Variants in PUS10 observed in about 807,000 individuals in gnomAD.
PUS10 encodes the protein tRNA pseudouridine synthase Pus10.
In PUS10, 59 loss-of-function variants were observed where a neutral mutation model predicts 75.0. The observed-to-expected ratio is 0.79, with a 90% CI of 0.64 to 0.98. The LOEUF is 0.98. Ranked by LOEUF, PUS10 falls within the 50% of genes least tolerant of loss-of-function variation. The pLI is 0.00. For synonymous variants in PUS10, 219 were observed against 211.6 expected, an observed-to-expected ratio of 1.03 and a Z score of -0.30; for missense variants, 650 against 614.4, an observed-to-expected ratio of 1.06 and a Z score of -0.61.
At chr2:61,010,954 T>G (rs1679559481) in intron 2 of PUS10, 2 of 1,503,482 alleles carry the variant, frequency 1.3e-6, no homozygotes, top group African/African-American at 1.4e-5. Flanking sequence ...ATATAAGACC[T>G]TGACATATAG....
intron 2 of PUS10, chr2:61,010,949 A>C (rs980830283): frequency 2.6e-6 from 4 of 1,511,956 alleles, no homozygotes; most frequent in Non-Finnish European, 3.6e-6. Context: ...GAATTATATA[A>C]GACCTTGACA....
intron 11 of PUS10, among the ~76,000 whole-genome samples, chr2:60,957,713 C>T (rs1675768824): frequency 6.6e-6 from 1 of 152,222 alleles, no homozygotes; most frequent in Admixed American, 6.5e-5. Context: ...CTGTTGCTCT[C>T]TGTATTGTTG....
In PUS10 at chr2:60,961,511, A is replaced by G. The variant is rs756640293; in HGVS notation, c.826T>C (p.Cys276Arg). The G allele has an allele frequency of 1.2e-5, 19 of 1,614,098 alleles. No individual in the cohort carries two copies. The Admixed American group carries it at 3.2e-4, about 27-fold the overall frequency. The change falls in exon 10 of 18, where the codon TGC becomes CGC. Residue 276 changes from cysteine to arginine, a missense_variant. Cys to Arg is a radical substitution (Grantham distance 180). Coordinates refer to ENST00000316752, the MANE Select transcript of PUS10 (RefSeq NM_144709.4). ...GCACATTCAATTTCAAGAACAGCGC[A>G]TACAGCCTTTGGTGAGTTTGGAGGA... ...PCPPNSPKAV[C>R]AVLEIECAHG...
At chr2:61,016,296 T>C (rs1236824841) in intron 1 of PUS10, among the ~76,000 whole-genome samples, 2 of 152,224 alleles carry the variant, frequency 1.3e-5, no homozygotes, top group Non-Finnish European at 2.9e-5. Flanking sequence ...AAACGAGCTA[T>C]GAATTTACAA....
rs756851168 is a variant in PUS10 at position 61,010,917 on chromosome 2, C to T, written c.126+848G>A. On this transcript the variant is annotated intron_variant, in intron 2 of 17. Coordinates refer to ENST00000316752, the MANE Select transcript of PUS10 (RefSeq NM_144709.4). ...AAAATAGAGACAATCATAGTATGTA[C>T]TTACCTAATCAGTTATTATGAGAAT... The T allele has an allele frequency of 3.3e-4, 516 of 1,544,758 alleles. 1 individual carries two copies. The highest frequency in any genetic ancestry group is 2.2e-3 in the Middle Eastern group (12 of 5,382).
chr2:60,982,273 A>G (rs750526942), intron 4 of PUS10, among the ~76,000 whole-genome samples: 6 of 151,536 alleles, frequency 4.0e-5, no homozygotes, highest in Admixed American at 2.6e-4. Context: ...TTATTTATTT[A>G]TTTTTTGGAG....
chr2:61,010,477 C>T (rs1679527262), intron 2 of PUS10: 1 of 217,458 alleles, frequency 4.6e-6, no homozygotes, highest in Middle Eastern at 1.9e-3. Flanking sequence ...CAGGCACCTG[C>T]CATGGCGCCC....
chr2:60,967,249 CT>C (rs1016891681), intron 6 of PUS10: 2 of 319,254 alleles, frequency 6.3e-6, no homozygotes, highest in African/African-American at 2.3e-5. Context: ...CATTTCTAAC[CT>C]TTTAAGGTCA....
At chr2:60,966,558 T>C (rs1029401681) in intron 6 of PUS10, 2 of 152,300 alleles carry the variant, frequency 1.3e-5, no homozygotes, top group African/African-American at 4.8e-5. Flanking sequence ...TTCTCACTGA[T>C]ACAACATGTA....
chr2:60,975,169 CG>C (rs1558925179), intron 4 of PUS10, among the ~76,000 whole-genome samples: 1 of 152,092 alleles, frequency 6.6e-6, no homozygotes, highest in Non-Finnish European at 1.5e-5. Flanking sequence ...TTGTTTGAGA[CG>C]GAGCCTCACT....
intron 4 of PUS10, among the ~76,000 whole-genome samples, chr2:60,997,281 A>G (rs915149511): frequency 1.6e-4 from 25 of 152,318 alleles, no homozygotes; most frequent in African/African-American, 5.8e-4. Context: ...GGTAGTCCCT[A>G]AAAGAACTAA....
intron 4 of PUS10, among the ~76,000 whole-genome samples, chr2:60,983,844 C>A (rs546328518): frequency 1.3e-5 from 2 of 151,138 alleles, no homozygotes; most frequent in South Asian, 2.1e-4. Context: ...AACTGCATAC[C>A]TAGATAATAA....
chr2:60,974,139 C>G (rs1008868301), intron 4 of PUS10, among the ~76,000 whole-genome samples: 2 of 152,052 alleles, frequency 1.3e-5, no homozygotes, highest in Non-Finnish European at 2.9e-5. Flanking sequence ...ATCGGGACAC[C>G]CTGGCTATGC....
intron 5 of PUS10, among the ~76,000 whole-genome samples, chr2:60,970,541 C>G (rs1213376992): frequency 1.3e-5 from 2 of 151,880 alleles, no homozygotes; most frequent in African/African-American, 4.8e-5. Flanking sequence ...GAATCAAATC[C>G]TGATTTGAAG....
chr2:60,967,586 A>C lies in PUS10; in HGVS notation c.531T>G (p.Asp177Glu), dbSNP rs1231469811. 1 of 1,607,172 alleles carries C rather than the reference A, an allele frequency of 6.2e-7. No individual in the cohort carries two copies. The highest frequency in any genetic ancestry group is 2.2e-5 in the East Asian group (1 of 44,576). The change falls in exon 6 of 18, where the codon GAT becomes GAG. Residue 177 changes from aspartate to glutamate, a missense_variant. Transcript: ENST00000316752. ...AGGCTTCTTTTAGCTGAACTATATC[A>C]TCTCTTCCCAGCGACAGACTCTGCT... ...MGKQSLSLGR[D>E]DIVQLKEAYK... is the part of the protein sequence containing the mutation.
rs372605494 is a variant in PUS10 at position 60,997,116 on chromosome 2, G to C, written c.468+9441C>G. ...GTTACATTCACAGAAGCAAGTTCTT[G>C]GAGTTACCTTTGATAAGATAGAGTG... On this transcript the variant is annotated intron_variant, in intron 4 of 17. Transcript: ENST00000316752. Among the ~76,000 whole-genome samples the C allele has an allele frequency of 3.3e-5, 5 of 152,248 alleles. No individual in the cohort carries two copies. The East Asian group carries it at 5.8e-4, about 18-fold the overall frequency.
At chr2:60,954,194 G>A (rs760932430) in intron 12 of PUS10, 36 bp from the exon 13 acceptor site, 2 of 1,602,878 alleles carry the variant, frequency 1.2e-6, no homozygotes, top group South Asian at 1.1e-5. Flanking sequence ...ACAGAAACGT[G>A]TTGATGGAGT....
chr2:61,017,167 A>T (rs1376276979), intron 1 of PUS10: 1 of 152,536 alleles, frequency 6.6e-6, no homozygotes, highest in Non-Finnish European at 1.5e-5. Context: ...CCTTCTCCCC[A>T]GACGCCGGAG....
At chr2:60,974,211 C>CT (rs35241132) in intron 4 of PUS10, among the ~76,000 whole-genome samples, 4,203 of 96,096 alleles carry the variant, frequency 0.044, 121 homozygotes, top group African/African-American at 0.06. Context: ...GATAAAGCTC[C>CT]TTTTTTTTTT....
Sources: gnomAD v4.1 joint callset for allele counts (sites outside exome capture counted in the v4.1 genomes callset) on GRCh38, gnomAD v4.1.1 for gene constraint, MANE v1.5 for transcripts, NCBI Gene and HGNC (gene_info 2026-07-23, HGNC 2026-07-21) for gene names.